UNC5C: variants seen among roughly 807,000 people sequenced by gnomAD.
The protein encoded by UNC5C is netrin receptor UNC5C.
UNC5C carries 47 observed loss-of-function variants against 99.8 expected under a neutral mutation model. That is an observed-to-expected ratio of 0.47 (90% confidence interval 0.37 to 0.60). The LOEUF (loss-of-function observed/expected upper bound fraction) is 0.60. Among genes scored for constraint, UNC5C ranks in the 20% least tolerant of loss-of-function variants. UNC5C has a pLI of 0.00. For missense variants in UNC5C, 1,062 were observed against 1,165.9 expected, an observed-to-expected ratio of 0.91 and a Z score of 1.30; for synonymous variants, 487 against 452.2, an observed-to-expected ratio of 1.08 and a Z score of -0.98.
Position 95,321,356 on chromosome 4 carries a change from C to A in UNC5C, c.346+14054G>T, listed in dbSNP as rs541904050. Among the ~76,000 whole-genome samples, 4 of 152,280 alleles carry A rather than the reference C, an allele frequency of 2.6e-5. No homozygotes were observed. The South Asian group carries it at 8.3e-4, about 32-fold the overall frequency. ...GTGTAGCCTAAAAATTTTCAATTTT[C>A]TCTTCTTTTTGTAAGTCAGAAAAAG... On this transcript the variant is annotated intron_variant, in intron 2 of 15. Coordinates refer to ENST00000453304, the MANE Select transcript of UNC5C (RefSeq NM_003728.4).
intron 4 of UNC5C, among the ~76,000 whole-genome samples, chr4:95,263,442 C>T (rs968056992): frequency 3.3e-5 from 5 of 152,114 alleles, no homozygotes; most frequent in Non-Finnish European, 7.4e-5. Flanking sequence ...GAAATTCTAC[C>T]AGGGGAGAAT....
intron 1 of UNC5C, among the ~76,000 whole-genome samples, chr4:95,508,717 C>A (rs1043082404): frequency 4.6e-5 from 7 of 151,928 alleles, no homozygotes; most frequent in African/African-American, 1.7e-4. Context: ...GTCAAAGTTT[C>A]TAGAAAAAGG....
At chr4:95,230,865 T>C (rs990140498) in intron 7 of UNC5C, among the ~76,000 whole-genome samples, 3 of 152,082 alleles carry the variant, frequency 2.0e-5, no homozygotes, top group African/African-American at 7.2e-5. Flanking sequence ...CTCAGTTTCT[T>C]CCTTTGTAAA....
At chr4:95,299,049 C>T (rs1741774642) in intron 3 of UNC5C, among the ~76,000 whole-genome samples, 1 of 152,168 alleles carries the variant, frequency 6.6e-6, no homozygotes, top group African/African-American at 2.4e-5. Flanking sequence ...GGCTGAACTA[C>T]ATCCCATTCC....
chr4:95,169,079 G>C lies in UNC5C; in HGVS notation c.*155C>G. The C allele has an allele frequency of 1.2e-6, 1 of 856,476 alleles. No individual in the cohort carries two copies. Among genetic ancestry groups the C allele is most frequent in the Non-Finnish European group, 1.8e-6 (1 of 552,230 alleles). 53.1% of individuals were successfully genotyped at this position (856,476 alleles called of 1,614,324 possible). On this transcript the variant is annotated 3_prime_UTR_variant, in exon 16 of 16. Transcript: ENST00000453304. ...GTCCGAGTAAAGTGGGCATGTACATGGGCAGTTGTATCTGTTTTCCTTCTG... is the reference window on the plus strand; with the variant it reads ...GTCCGAGTAAAGTGGGCATGTACATCGGCAGTTGTATCTGTTTTCCTTCTG...
At chr4:95,401,369 G>A (rs1257323266) in intron 1 of UNC5C, among the ~76,000 whole-genome samples, 1 of 151,984 alleles carries the variant, frequency 6.6e-6, no homozygotes, top group Non-Finnish European at 1.5e-5. Context: ...TGTGATGATG[G>A]CTCACTGCAG....
chr4:95,509,621 A>G (rs917185916), intron 1 of UNC5C, among the ~76,000 whole-genome samples: 3 of 151,862 alleles, frequency 2.0e-5, no homozygotes, highest in Non-Finnish European at 4.4e-5. Flanking sequence ...AATAACTGCA[A>G]CTACCTAGAC....
At chr4:95,498,310 T>C (rs936730860) in intron 1 of UNC5C, among the ~76,000 whole-genome samples, 2 of 151,998 alleles carry the variant, frequency 1.3e-5, no homozygotes, top group East Asian at 3.9e-4. Flanking sequence ...TTTCTTATTT[T>C]CTAGCCTCAA....
At chr4:95,290,671 T>C (rs1463995824) in intron 3 of UNC5C, among the ~76,000 whole-genome samples, 1 of 152,162 alleles carries the variant, frequency 6.6e-6, no homozygotes, top group Non-Finnish European at 1.5e-5. Flanking sequence ...TATAACAGAG[T>C]TAGGCATACA....
intron 1 of UNC5C, among the ~76,000 whole-genome samples, chr4:95,536,535 C>G (rs1578215123): frequency 6.6e-6 from 1 of 152,150 alleles, no homozygotes; most frequent in Non-Finnish European, 1.5e-5. Context: ...GTCAGTCTGG[C>G]ATCATCTTGT....
chr4:95,475,437 G>A (rs894629772), intron 1 of UNC5C, among the ~76,000 whole-genome samples: 2 of 152,016 alleles, frequency 1.3e-5, no homozygotes, highest in African/African-American at 4.8e-5. Context: ...ATTCAATGAT[G>A]GCGTATATTA....
At chr4:95,539,419 CGCAATTTGCCAAGA>C (rs1722861548) in intron 1 of UNC5C, among the ~76,000 whole-genome samples, 2 of 152,168 alleles carry the variant, frequency 1.3e-5, no homozygotes, top group African/African-American at 4.8e-5. Flanking sequence ...GAAATGACTT[CGCAATTTGCCAAGA>C]GCAAGGCAAC....
In UNC5C at chr4:95,234,811, A is replaced by G. The variant is rs1025911284; in HGVS notation, c.1108+7618T>C. Among the ~76,000 whole-genome samples the G allele has an allele frequency of 6.6e-5, 10 of 152,222 alleles. 1 individual carries two copies. The highest frequency in any genetic ancestry group is 2.4e-4 in the African/African-American group (10 of 41,460). On this transcript the variant is annotated intron_variant, in intron 7 of 15. Transcript: ENST00000453304. ...ATATTATATGTTACACAGTACTTAC[A>G]ATATGAACTACTATGTATGAGTGGT...
At chr4:95,410,989 T>C (rs932516489) in intron 1 of UNC5C, among the ~76,000 whole-genome samples, 9 of 152,188 alleles carry the variant, frequency 5.9e-5, no homozygotes, top group African/African-American at 2.2e-4. Flanking sequence ...GCAATAACAA[T>C]GTCCACCTAA....
chr4:95,168,935 T>C lies in UNC5C; in HGVS notation c.*299A>G, dbSNP rs1290518330. 2.2e-5 allele frequency: 6 copies of C among 275,468 alleles called. No homozygotes were observed. The highest frequency in any genetic ancestry group is 4.1e-5 in the Non-Finnish European group (6 of 146,006). The allele number at this position is 275,468 out of a possible 1,614,324, so 17.1% of individuals were successfully genotyped here. A position where few individuals can be genotyped will look rare whatever the true frequency, so the allele number is the denominator to read the frequency against. On this transcript the variant is annotated 3_prime_UTR_variant, in exon 16 of 16. Transcript: ENST00000453304. The stretch of plus-strand genomic sequence containing the variant: ...TATCTGGATAGCAATAAAAAGCGTT[T>C]CCTAGGAAACTGTAAGATCCTGTAC...
chr4:95,278,939 T>G (rs1451843916), intron 3 of UNC5C, among the ~76,000 whole-genome samples: 2 of 152,200 alleles, frequency 1.3e-5, no homozygotes. Context: ...ATAAAGTTCA[T>G]TAATTGCTTT....
chr4:95,398,291 C>A (rs1745583101), intron 1 of UNC5C, among the ~76,000 whole-genome samples: 4 of 152,030 alleles, frequency 2.6e-5, no homozygotes, highest in Admixed American at 2.6e-4. Flanking sequence ...GTCTACTTTT[C>A]ATTTTACCAA....
chr4:95,181,332 C>A (rs1167499364), intron 14 of UNC5C, among the ~76,000 whole-genome samples: 1 of 152,218 alleles, frequency 6.6e-6, no homozygotes, highest in South Asian at 2.1e-4. Context: ...CAAAACTGTC[C>A]TTTTTCTGAA....
intron 15 of UNC5C, among the ~76,000 whole-genome samples, chr4:95,169,616 A>C (rs1245144523): frequency 6.6e-6 from 1 of 152,176 alleles, no homozygotes. Context: ...GAGTGAGATA[A>C]TTTAAGAGAC....
Sources: gnomAD v4.1 joint callset for allele counts (sites outside exome capture counted in the v4.1 genomes callset) on GRCh38, gnomAD v4.1.1 for gene constraint, MANE v1.5 for transcripts, NCBI Gene and HGNC (gene_info 2026-07-23, HGNC 2026-07-21) for gene names.